Variants in KLHDC1 observed in about 807,000 individuals in gnomAD.
KLHDC1 encodes the protein kelch domain containing 1.
A neutral mutation model predicts 68.3 loss-of-function variants in KLHDC1; 53 were observed. That is an observed-to-expected ratio of 0.78 (90% CI 0.62 to 0.98). The LOEUF (loss-of-function observed/expected upper bound fraction) is 0.98, where lower values mean the gene tolerates loss of function less well. Ranked by LOEUF, KLHDC1 falls within the 50% of genes least tolerant of loss-of-function variation. The probability of loss-of-function intolerance (pLI) is 0.00; values close to 1 mark genes in which losing one functional copy is unlikely to be tolerated. For missense variants in KLHDC1, 470 were observed against 492.3 expected (o/e 0.95, Z 0.43); for synonymous variants, 148 against 159.0 (o/e 0.93, Z 0.52).
At chr14:49,698,066 A>G (rs1887793553) in intron 1 of KLHDC1, among the ~76,000 whole-genome samples, 1 of 152,200 alleles carries the variant, frequency 6.6e-6, no homozygotes, top group African/African-American at 2.4e-5. Context: ...ATGCACAAGA[A>G]ATAAATTTTG....
intron 9 of KLHDC1, among the ~76,000 whole-genome samples, chr14:49,733,595 T>C (rs1888867068): frequency 6.6e-6 from 1 of 151,846 alleles, no homozygotes; most frequent in Admixed American, 6.6e-5. Context: ...GCTCAGCTAA[T>C]TTTTGTATGT....
Position 49,693,249 on chromosome 14 carries a change from G to A in KLHDC1, c.55G>A (p.Val19Met), listed in dbSNP as rs143381329. Residue 19 changes from valine (V) to methionine (M), a missense_variant, in exon 1 of 13, where the codon GTG becomes ATG. By Grantham distance (21) the Val-to-Met change is conservative. Transcript: ENST00000359332. ...GGAGGAACGCAGCGGCCACTGCGCC[G>A]TGGTGGACGGAAACTTCCTCTACGT... Reference protein sequence around the residue: ...VAEERSGHCAVVDGNFLYVWG... With the variant: ...VAEERSGHCAMVDGNFLYVWG... The A allele has an allele frequency of 1.4e-5, 22 of 1,571,900 alleles. No individual in the cohort carries two copies. The highest frequency in any genetic ancestry group is 1.6e-5 in the Non-Finnish European group (18 of 1,160,940).
In KLHDC1 at chr14:49,731,859, A is replaced by T. The variant is rs184251402; in HGVS notation, c.711-845A>T. Among the ~76,000 whole-genome samples the T allele has an allele frequency of 1.2e-3, 180 of 151,762 alleles. 1 individual carries two copies. Among genetic ancestry groups the T allele is most frequent in the African/African-American group, 4.0e-3 (166 of 41,382 alleles). On this transcript the variant is annotated intron_variant, in intron 8 of 12. Transcript: ENST00000359332. ...TGTGCCTGGCATTGTTTTTATTTTT[A>T]TTTTTTTGAGAAATCCTTAGAGGTT... is the stretch of plus-strand genomic sequence containing the variant.
chr14:49,739,881 CAAAA>C (rs767237196), intron 10 of KLHDC1, among the ~76,000 whole-genome samples: 1 of 151,928 alleles, frequency 6.6e-6, no homozygotes, highest in African/African-American at 2.4e-5. Flanking sequence ...AAAACAAAAA[CAAAA>C]AACAGAGAGA....
At chr14:49,748,040 A>G (rs1889239772) in intron 12 of KLHDC1, among the ~76,000 whole-genome samples, 3 of 152,224 alleles carry the variant, frequency 2.0e-5, no homozygotes, top group Non-Finnish European at 2.9e-5. Flanking sequence ...GAGTCCAAAG[A>G]GTAAGGGAAT....
intron 1 of KLHDC1, among the ~76,000 whole-genome samples, chr14:49,701,636 G>C (rs1887908732): frequency 6.6e-6 from 1 of 152,080 alleles, no homozygotes; most frequent in South Asian, 2.1e-4. Flanking sequence ...TCTAGCCTGG[G>C]CAACAAGAGC....
rs78495385 is a variant in KLHDC1, at chr14:49,724,259, C to T, written c.483+307C>T. ...TGGAAAAATTATGTTCATATTTAAC[C>T]GCAAAAGCTATTGTTGACATACACC... On this transcript the variant is annotated intron_variant, in intron 5 of 12. Coordinates refer to ENST00000359332, the MANE Select transcript of KLHDC1 (RefSeq NM_172193.3). Among the ~76,000 whole-genome samples, 1,205 of 151,740 alleles carry T rather than the reference C, an allele frequency of 7.9e-3. 8 individuals carry two copies. The highest frequency in any genetic ancestry group is 0.011 in the Non-Finnish European group (757 of 67,914).
At chr14:49,738,247 G>A (rs1000059170) in intron 10 of KLHDC1, among the ~76,000 whole-genome samples, 16 of 151,960 alleles carry the variant, frequency 1.1e-4, no homozygotes, top group African/African-American at 3.9e-4. Context: ...AAGAATATTA[G>A]ATGCTCTACT....
intron 1 of KLHDC1, among the ~76,000 whole-genome samples, chr14:49,696,166 ATGC>A (rs1432208976): frequency 6.7e-6 from 1 of 150,254 alleles, no homozygotes; most frequent in Non-Finnish European, 1.5e-5. Flanking sequence ...ACATGAGCAC[ATGC>A]TGCTTCACCT....
chr14:49,739,789 G>A (rs193085042), intron 10 of KLHDC1, among the ~76,000 whole-genome samples: 1 of 152,258 alleles, frequency 6.6e-6, no homozygotes, highest in East Asian at 1.9e-4. Flanking sequence ...GGTGGCTCAT[G>A]CCTATAATCC....
intron 11 of KLHDC1, among the ~76,000 whole-genome samples, chr14:49,743,242 CA>C (rs980319644): frequency 1.3e-5 from 2 of 150,798 alleles, no homozygotes; most frequent in African/African-American, 2.4e-5. Flanking sequence ...ACTAAAAATA[CA>C]AAAAAAATTA....
intron 7 of KLHDC1, among the ~76,000 whole-genome samples, 167 bp from the exon 8 acceptor site, chr14:49,729,323 G>A (rs1888746182): frequency 6.6e-6 from 1 of 152,082 alleles, no homozygotes; most frequent in Non-Finnish European, 1.5e-5. Context: ...TGATTTGGGA[G>A]CTCTGTGTCA....
At position 49,711,910 on chromosome 14, in the gene KLHDC1, C is replaced by CTTTTTTTTTTTTTTTTT. The variant is rs992092493; in HGVS notation, c.404+1540_404+1556dup. On this transcript the variant is annotated intron_variant, in intron 4 of 12. Transcript: ENST00000359332. Reference sequence around the variant, plus strand: ...TTATATGTCTTTCTTTTTTCTTTTTCTTTTTTTTTTTTTTTTTTTTTTTTT... The same window carrying CTTTTTTTTTTTTTTTTT: ...TTATATGTCTTTCTTTTTTCTTTTTCTTTTTTTTTTTTTTTTTTTTTTTTTTTTTTTTTTTTTTTTTT... Among the ~76,000 whole-genome samples the CTTTTTTTTTTTTTTTTT allele has an allele frequency of 5.5e-3, 420 of 76,592 alleles. 10 individuals are homozygous for CTTTTTTTTTTTTTTTTT. Among genetic ancestry groups the CTTTTTTTTTTTTTTTTT allele is most frequent in the Non-Finnish European group, 7.8e-3 (294 of 37,458 alleles). The allele number at this position is 76,592 out of a possible 152,430, so 50.2% of individuals were successfully genotyped here. A position where few individuals can be genotyped will look rare whatever the true frequency, so the allele number is the denominator to read the frequency against.
At chr14:49,732,370 A>T (rs1046098433) in intron 8 of KLHDC1, among the ~76,000 whole-genome samples, 2 of 151,968 alleles carry the variant, frequency 1.3e-5, no homozygotes, top group African/African-American at 2.4e-5. Flanking sequence ...ATGGGGTTTC[A>T]CCATGCTGCC....
chr14:49,725,482 GAA>G, intron 5 of KLHDC1: 1 of 431,644 alleles, frequency 2.3e-6, no homozygotes, highest in Non-Finnish European at 4.2e-6. Flanking sequence ...ACTATGAGAA[GAA>G]AAGTTGCCAG....
In KLHDC1 at chr14:49,709,149, G is replaced by GT; in HGVS notation, c.97-9dup. The GT allele has an allele frequency of 1.8e-6, 2 of 1,113,612 alleles. No individual in the cohort carries two copies. Among genetic ancestry groups the GT allele is most frequent in the Non-Finnish European group, 1.3e-6 (1 of 746,612 alleles). 69.0% of individuals were successfully genotyped at this position (1,113,612 alleles called of 1,614,324 possible). On this transcript the variant is annotated splice_polypyrimidine_tract_variant and intron_variant, in intron 1 of 12. Coordinates refer to ENST00000359332, the MANE Select transcript of KLHDC1 (RefSeq NM_172193.3). Reference sequence around the variant, plus strand: ...TGATAAACATAATTTTATGTATTCTGTATTTTTAGTCTATTGAAGACAATG... The same window carrying GT: ...TGATAAACATAATTTTATGTATTCTGTTATTTTTAGTCTATTGAAGACAATG...
chr14:49,716,946 G>T (rs1203328049), intron 4 of KLHDC1, among the ~76,000 whole-genome samples: 1 of 152,064 alleles, frequency 6.6e-6, no homozygotes, highest in Non-Finnish European at 1.5e-5. Context: ...GCAGATAATA[G>T]GTATTTCATA....
chr14:49,747,220 T>TA (rs1889222357), intron 12 of KLHDC1, among the ~76,000 whole-genome samples: 1 of 152,190 alleles, frequency 6.6e-6, no homozygotes, highest in Admixed American at 6.6e-5. Flanking sequence ...GTGCTGGGAT[T>TA]ACAGGCGTGA....
chr14:49,737,583 G>C (rs1445450430), intron 10 of KLHDC1, among the ~76,000 whole-genome samples: 1 of 151,942 alleles, frequency 6.6e-6, no homozygotes, highest in Non-Finnish European at 1.5e-5. Flanking sequence ...AAGTAATCAA[G>C]GCCAGGTGTG....
Sources: gnomAD v4.1 joint callset for allele counts (sites outside exome capture counted in the v4.1 genomes callset) on GRCh38, gnomAD v4.1.1 for gene constraint, MANE v1.5 for transcripts, NCBI Gene and HGNC (gene_info 2026-07-23, HGNC 2026-07-21) for gene names.